The following ANO6 variants were observed in gnomAD, a reference collection of about 807,000 sequenced individuals.
The protein encoded by ANO6 is anoctamin-6.
Under a neutral mutation model 117.5 loss-of-function variants are expected in ANO6, and 106 were observed. The observed-to-expected ratio is 0.90, with a 90% confidence interval of 0.77 to 1.06. The LOEUF (loss-of-function observed/expected upper bound fraction) is 1.06. Ranked by LOEUF, ANO6 falls within the 50% of genes least tolerant of loss-of-function variation. ANO6 has a pLI of 0.00. For missense variants in ANO6, 955 were observed against 1,121.1 expected, an observed-to-expected ratio of 0.85 and a Z score of 2.12; for synonymous variants, 367 against 385.1, an observed-to-expected ratio of 0.95 and a Z score of 0.55.
chr12:45,310,999 A>G (rs765176323), intron 2 of ANO6, among the ~76,000 whole-genome samples: 7 of 152,088 alleles, frequency 4.6e-5, no homozygotes, highest in Non-Finnish European at 8.8e-5. Context: ...AGTCATCCCA[A>G]ACTGAATACA....
intron 3 of ANO6, among the ~76,000 whole-genome samples, chr12:45,333,568 C>T (rs928988239): frequency 4.6e-5 from 7 of 151,980 alleles, no homozygotes; most frequent in Non-Finnish European, 2.9e-5. Context: ...ACATAGGTCC[C>T]AAGGTAACTC....
At chr12:45,296,757 C>T (rs1212729851) in intron 1 of ANO6, among the ~76,000 whole-genome samples, 1 of 152,156 alleles carries the variant, frequency 6.6e-6, no homozygotes, top group Non-Finnish European at 1.5e-5. Context: ...TGTCACTTTG[C>T]TTGGTTAACT....
chr12:45,364,570 T>A (rs1941636954), intron 8 of ANO6, among the ~76,000 whole-genome samples: 1 of 152,216 alleles, frequency 6.6e-6, no homozygotes, highest in Non-Finnish European at 1.5e-5. Flanking sequence ...TGCTATTTCA[T>A]ATCTGCCGAG....
At chr12:45,354,361 T>G (rs143741070) in intron 7 of ANO6, among the ~76,000 whole-genome samples, 1 of 152,330 alleles carries the variant, frequency 6.6e-6, no homozygotes, top group Admixed American at 6.5e-5. Context: ...CATATATATG[T>G]AACTCTATGT....
intron 1 of ANO6, among the ~76,000 whole-genome samples, chr12:45,297,961 T>G (rs1369666065): frequency 6.6e-6 from 1 of 152,198 alleles, no homozygotes; most frequent in Non-Finnish European, 1.5e-5. Context: ...AAACGGAACC[T>G]TGTCTGGTTC....
intron 2 of ANO6, among the ~76,000 whole-genome samples, chr12:45,323,327 A>G (rs748499622): frequency 6.6e-6 from 1 of 152,210 alleles, no homozygotes; most frequent in Non-Finnish European, 1.5e-5. Flanking sequence ...GCCCAATTCA[A>G]AGCATGTTAG....
At chr12:45,437,355 A>T (rs1427380484) in intron 19 of ANO6, among the ~76,000 whole-genome samples, 1 of 152,238 alleles carries the variant, frequency 6.6e-6, no homozygotes, top group Non-Finnish European at 1.5e-5. Flanking sequence ...AGACATTAAA[A>T]ATAAAAAACA....
At chr12:45,439,513 G>A (rs1565783862) in intron 19 of ANO6, among the ~76,000 whole-genome samples, 1 of 152,126 alleles carries the variant, frequency 6.6e-6, no homozygotes, top group Non-Finnish European at 1.5e-5. Flanking sequence ...ATGGTAAAAG[G>A]CAGTCTGTCT....
intron 10 of ANO6, among the ~76,000 whole-genome samples, chr12:45,378,848 T>TCCGC (rs1323235574): frequency 6.6e-6 from 1 of 152,198 alleles, no homozygotes. Flanking sequence ...TGAGCGGATA[T>TCCGC]TTAATGAGTA....
chr12:45,392,060 A>G (rs2081590), intron 12 of ANO6, among the ~76,000 whole-genome samples: 22,712 of 152,226 alleles, frequency 0.15, 2,339 homozygotes, highest in East Asian at 0.46. Context: ...CGCCTCACCC[A>G]GGAAGCACAA....
intron 16 of ANO6, among the ~76,000 whole-genome samples, chr12:45,413,543 A>G (rs999366657): frequency 6.6e-6 from 1 of 152,256 alleles, no homozygotes; most frequent in Admixed American, 6.5e-5. Flanking sequence ...AGGCATGCCT[A>G]GCAGGAATAT....
intron 8 of ANO6, among the ~76,000 whole-genome samples, chr12:45,366,367 A>G (rs759528162): frequency 6.6e-6 from 1 of 151,566 alleles, no homozygotes; most frequent in Non-Finnish European, 1.5e-5. Flanking sequence ...TTTTTTTCTA[A>G]TAAGTTGGTA....
At chr12:45,285,985 C>G (rs941331280) in intron 1 of ANO6, among the ~76,000 whole-genome samples, 4 of 152,142 alleles carry the variant, frequency 2.6e-5, no homozygotes, top group African/African-American at 4.8e-5. Flanking sequence ...GTTGCTACCC[C>G]TTCAGCAGTA....
chr12:45,240,371 T>G (rs1175295210), intron 1 of ANO6, among the ~76,000 whole-genome samples: 24 of 105,046 alleles, frequency 2.3e-4, no homozygotes, highest in African/African-American at 9.6e-4. Context: ...TTTTTTTTTT[T>G]TTTTTTTTTT....
At chr12:45,314,286 A>G (rs946675035) in intron 2 of ANO6, among the ~76,000 whole-genome samples, 1 of 151,914 alleles carries the variant, frequency 6.6e-6, no homozygotes, top group African/African-American at 2.4e-5. Context: ...TTAAAAGATG[A>G]CCATAATGTA....
chr12:45,311,030 G>A (rs777866922), intron 2 of ANO6, among the ~76,000 whole-genome samples: 1 of 151,904 alleles, frequency 6.6e-6, no homozygotes, highest in African/African-American at 2.4e-5. Context: ...TTCAATGGAG[G>A]TTGTTAGATT....
At chr12:45,379,550 T>C (rs1226108641) in intron 10 of ANO6, among the ~76,000 whole-genome samples, 1 of 152,206 alleles carries the variant, frequency 6.6e-6, no homozygotes, top group Non-Finnish European at 1.5e-5. Context: ...CAGTAAGAGC[T>C]TAGGTGCTGA....
chr12:45,397,556 T>C (rs1942654937), intron 12 of ANO6, among the ~76,000 whole-genome samples: 1 of 152,202 alleles, frequency 6.6e-6, no homozygotes, highest in Non-Finnish European at 1.5e-5. Flanking sequence ...TGCAGCACTA[T>C]TCACAATAGC....
chr12:45,404,285 A>G (rs1942875732), intron 15 of ANO6, among the ~76,000 whole-genome samples: 1 of 152,206 alleles, frequency 6.6e-6, no homozygotes, highest in Non-Finnish European at 1.5e-5. Context: ...GTTAACTAAG[A>G]TTTCATTGCC....
Sources: allele counts gnomAD v4.1 joint callset (sites outside exome capture counted in the v4.1 genomes callset), GRCh38; gene constraint gnomAD v4.1.1; transcripts MANE v1.5; gene names NCBI Gene and HGNC (gene_info 2026-07-23, HGNC 2026-07-21).